The following DLG2 variants were observed in gnomAD, a reference collection of about 807,000 sequenced individuals.
The protein encoded by DLG2 is disks large homolog 2.
In DLG2, 45 loss-of-function variants were observed where a neutral mutation model predicts 132.5. That is an observed-to-expected ratio of 0.34 (90% confidence interval 0.27 to 0.44). The LOEUF (loss-of-function observed/expected upper bound fraction) is 0.44, where lower values mean the gene tolerates loss of function less well. Ranked by LOEUF, DLG2 falls within the 20% of genes least tolerant of loss-of-function variation. The pLI is 1.00. For missense variants in DLG2, 1,045 were observed against 1,196.9 expected, an observed-to-expected ratio of 0.87 and a Z score of 1.87; for synonymous variants, 424 against 419.6, an observed-to-expected ratio of 1.01 and a Z score of -0.13.
At chr11:83,616,685 G>T (rs1369759899) in intron 19 of DLG2, among the ~76,000 whole-genome samples, 3 of 152,016 alleles carry the variant, frequency 2.0e-5, no homozygotes, top group African/African-American at 4.8e-5. Context: ...TTTGTGATTA[G>T]TATGCTTTGT....
intron 11 of DLG2, among the ~76,000 whole-genome samples, chr11:84,040,027 A>C (rs1019602754): frequency 2.0e-5 from 3 of 151,394 alleles, no homozygotes; most frequent in Non-Finnish European, 4.4e-5. Flanking sequence ...TCTTTTGAGA[A>C]GTGTCTGTTC....
intron 17 of DLG2, among the ~76,000 whole-genome samples, chr11:83,824,005 G>A (rs2051696343): frequency 6.6e-6 from 1 of 152,194 alleles, no homozygotes; most frequent in Admixed American, 6.5e-5. Context: ...AGAAGCAACA[G>A]TATTCCAAAT....
intron 6 of DLG2, among the ~76,000 whole-genome samples, chr11:84,714,208 C>G (rs116387070): frequency 1.3e-5 from 2 of 151,220 alleles, no homozygotes; most frequent in East Asian, 3.9e-4. Flanking sequence ...AAATGGTCAA[C>G]CTTTGGCAAT....
intron 3 of DLG2, among the ~76,000 whole-genome samples, chr11:85,346,222 C>G (rs2152868685): frequency 6.6e-6 from 1 of 150,532 alleles, no homozygotes; most frequent in Non-Finnish European, 1.5e-5. Context: ...GAGTCTCGTT[C>G]TGTTGCCCAG....
intron 7 of DLG2, among the ~76,000 whole-genome samples, chr11:84,304,477 G>T (rs375661571): frequency 3.3e-5 from 5 of 152,160 alleles, no homozygotes; most frequent in Admixed American, 6.5e-5. Flanking sequence ...CATTCCATCA[G>T]GTGGGAAATG....
intron 2 of DLG2, among the ~76,000 whole-genome samples, chr11:85,611,548 C>G (rs925771863): frequency 6.6e-6 from 1 of 152,206 alleles, no homozygotes; most frequent in Admixed American, 6.5e-5. Flanking sequence ...ATACTACGGG[C>G]AGGTTATGCC....
chr11:84,992,600 G>C (rs1309199234), intron 6 of DLG2, among the ~76,000 whole-genome samples: 4 of 152,174 alleles, frequency 2.6e-5, no homozygotes, highest in Non-Finnish European at 5.9e-5. Context: ...ACTGGTGTGA[G>C]ATGGTATCTC....
At chr11:85,074,196 G>A (rs1390335491) in intron 6 of DLG2, among the ~76,000 whole-genome samples, 1 of 151,832 alleles carries the variant, frequency 6.6e-6, no homozygotes, top group Non-Finnish European at 1.5e-5. Flanking sequence ...CCTGCAACAT[G>A]CAATTTACCT....
chr11:83,549,429 A>G (rs561181562), intron 19 of DLG2, among the ~76,000 whole-genome samples: 1 of 152,252 alleles, frequency 6.6e-6, no homozygotes, highest in African/African-American at 2.4e-5. Context: ...ACATATTTGC[A>G]GAGATTCAAT....
intron 15 of DLG2, among the ~76,000 whole-genome samples, chr11:83,914,594 T>C (rs1310262563): frequency 6.6e-6 from 1 of 152,186 alleles, no homozygotes; most frequent in East Asian, 1.9e-4. Flanking sequence ...ATTATTATCC[T>C]ATGAGATGGA....
At chr11:84,954,003 T>G (rs1030510155) in intron 6 of DLG2, among the ~76,000 whole-genome samples, 11 of 152,154 alleles carry the variant, frequency 7.2e-5, no homozygotes, top group African/African-American at 2.2e-4. Flanking sequence ...CATGCCTCTC[T>G]TTACACGTAT....
intron 18 of DLG2, among the ~76,000 whole-genome samples, chr11:83,642,136 A>G (rs1169604302): frequency 1.3e-5 from 2 of 152,168 alleles, no homozygotes; most frequent in Non-Finnish European, 2.9e-5. Context: ...CCATGAGGGC[A>G]AGGATGTTAT....
intron 17 of DLG2, among the ~76,000 whole-genome samples, chr11:83,829,714 C>T (rs1005226737): frequency 2.0e-5 from 3 of 151,258 alleles, no homozygotes; most frequent in African/African-American, 7.4e-5. Context: ...AATAGTGAAC[C>T]TTGAAGCTAG....
chr11:84,360,742 G>A (rs558013583), intron 7 of DLG2, among the ~76,000 whole-genome samples: 9 of 151,954 alleles, frequency 5.9e-5, no homozygotes, highest in African/African-American at 2.2e-4. Context: ...AGGTACAAGT[G>A]TGGATTATGT....
At chr11:83,502,314 A>G (rs565157237) in intron 21 of DLG2, among the ~76,000 whole-genome samples, 3 of 152,122 alleles carry the variant, frequency 2.0e-5, no homozygotes, top group Non-Finnish European at 4.4e-5. Context: ...GCTCTTATCT[A>G]TTATACGATA....
intron 8 of DLG2, among the ~76,000 whole-genome samples, chr11:84,207,059 A>ATCTCTCTCTC (rs35772503): frequency 2.1e-4 from 30 of 145,610 alleles, no homozygotes; most frequent in African/African-American, 7.0e-4. Flanking sequence ...ATAAGAATAA[A>ATCTCTCTCTC]TCTCTCTCTC....
intron 9 of DLG2, among the ~76,000 whole-genome samples, chr11:84,101,636 G>T (rs1449977268): frequency 2.0e-5 from 3 of 152,044 alleles, no homozygotes; most frequent in Non-Finnish European, 4.4e-5. Flanking sequence ...GTGTTTAGGG[G>T]ACTTAATGAG....
chr11:83,969,738 T>C (rs989791431), intron 12 of DLG2, among the ~76,000 whole-genome samples: 3 of 152,054 alleles, frequency 2.0e-5, no homozygotes, highest in Non-Finnish European at 4.4e-5. Flanking sequence ...CACTGCCAGC[T>C]AATTTTGTAT....
chr11:83,588,113 G>A (rs1170962395), intron 19 of DLG2, among the ~76,000 whole-genome samples: 13 of 152,204 alleles, frequency 8.5e-5, no homozygotes, highest in South Asian at 6.2e-4. Flanking sequence ...TGGGAAGCTC[G>A]AACTGGGTGG....
Sources: gnomAD v4.1 joint callset for allele counts (sites outside exome capture counted in the v4.1 genomes callset) on GRCh38, gnomAD v4.1.1 for gene constraint, MANE v1.5 for transcripts, NCBI Gene and HGNC (gene_info 2026-07-23, HGNC 2026-07-21) for gene names.